The following MED13 variants were observed in gnomAD, a reference collection of about 807,000 sequenced individuals.
The protein encoded by MED13 is mediator of RNA polymerase II transcription subunit 13.
MED13 carries 23 observed loss-of-function variants against 225.2 expected under a neutral mutation model. That is an observed-to-expected ratio of 0.10 (90% CI 0.07 to 0.14). The LOEUF is 0.14. MED13 is among the 10% of genes least tolerant of loss of function. MED13 has a pLI of 1.00. For missense variants in MED13, 2,197 were observed against 2,594.5 expected (o/e 0.85, Z 3.33); for synonymous variants, 942 against 889.2 (o/e 1.06, Z -1.06).
At position 62,038,256 on chromosome 17, in the gene MED13, G is replaced by A. The variant is rs2080822853; in HGVS notation, c.471-2648C>T. Among the ~76,000 whole-genome samples the A allele has an allele frequency of 2.0e-5, 3 of 151,958 alleles. No homozygotes were observed. In the South Asian group the frequency reaches 6.2e-4, roughly 32 times the overall value. ...AAAAAAATTAAAAATTAGCTAGGTG[G>A]GGTGTGGTGCATGCCTGTGGTCCCA... On this transcript the variant is annotated intron_variant, in intron 3 of 29. Transcript: ENST00000397786.
At position 62,063,033 on chromosome 17, in the gene MED13, A is replaced by G. The variant is rs762350472; in HGVS notation, c.301+34T>C. On this transcript the variant is annotated intron_variant, in intron 2 of 29. Transcript: ENST00000397786. ...TCTGGGAGAAGTATACAATGTTGCT[A>G]TATCATTAGTTAGAAATGGAAAGTT... 4.0e-6 allele frequency: 6 copies of G among 1,484,204 alleles called. No homozygotes were observed. The South Asian group carries it at 4.5e-5, about 11-fold the overall frequency. 91.9% of individuals were successfully genotyped at this position (1,484,204 alleles called of 1,614,324 possible).
At chr17:61,952,716 A>C (rs559084471) in intron 27 of MED13, among the ~76,000 whole-genome samples, 3 of 152,334 alleles carry the variant, frequency 2.0e-5, no homozygotes, top group East Asian at 3.9e-4. Context: ...GGCTCACTAC[A>C]ACCTCTGCCT....
intron 16 of MED13, among the ~76,000 whole-genome samples, chr17:61,974,690 T>G (rs2080138631): frequency 6.6e-6 from 1 of 152,054 alleles, no homozygotes; most frequent in African/African-American, 2.4e-5. Context: ...AAGATAACAT[T>G]TTTCCATAGA....
At chr17:62,057,806 A>C (rs1271693176) in intron 2 of MED13, among the ~76,000 whole-genome samples, 1 of 152,250 alleles carries the variant, frequency 6.6e-6, no homozygotes, top group East Asian at 1.9e-4. Context: ...GAAAAAGAAC[A>C]AATATTTTTA....
At chr17:62,014,018 G>A (rs774162094) in intron 8 of MED13, among the ~76,000 whole-genome samples, 1 of 151,878 alleles carries the variant, frequency 6.6e-6, no homozygotes, top group Non-Finnish European at 1.5e-5. Context: ...CAGCCTGGGC[G>A]ACATAGCGAG....
At chr17:62,019,812 C>T (rs942286437) in intron 8 of MED13, among the ~76,000 whole-genome samples, 13 of 151,198 alleles carry the variant, frequency 8.6e-5, no homozygotes, top group Admixed American at 7.3e-4. Flanking sequence ...GGCACAATCT[C>T]GGCTTACTGC....
In MED13 at chr17:62,010,774, ACTGTCTATC is replaced by A. The variant is rs774412728; in HGVS notation, c.1734_1742del (p.Arg578_Asp580del). On this transcript the variant is annotated inframe_deletion, in exon 9 of 30. Coordinates refer to ENST00000397786, the MANE Select transcript of MED13 (RefSeq NM_005121.3). ...ATTGAGGTGGGAAAGACTGGGACAA[ACTGTCTATC>A]CTATCTTCCATTGGTTTAGAAGGAA... The A allele has an allele frequency of 4.3e-6, 7 of 1,614,148 alleles. No homozygotes were observed. In the South Asian group the frequency reaches 7.7e-5, roughly 18 times the overall value.
intron 3 of MED13, among the ~76,000 whole-genome samples, chr17:62,041,162 A>C (rs2080849148): frequency 6.6e-6 from 1 of 152,240 alleles, no homozygotes; most frequent in Non-Finnish European, 1.5e-5. Flanking sequence ...TACATAAACA[A>C]AATGTAGTAT....
rs1185563638 is a variant in MED13 at position 61,956,504 on chromosome 17, G to A, written c.5481-23C>T. On this transcript the variant is annotated intron_variant, in intron 23 of 29. Transcript: ENST00000397786. Reference sequence around the variant, plus strand: ...GCCCTATTGTGTGAATAAAGAGAGTGTCATAAATATTTCTAAAATTTATAT... The same window carrying A: ...GCCCTATTGTGTGAATAAAGAGAGTATCATAAATATTTCTAAAATTTATAT... 3.8e-6 allele frequency: 6 copies of A among 1,576,248 alleles called. No individual in the cohort carries two copies. In the African/African-American group the frequency reaches 5.5e-5, roughly 15 times the overall value.
chr17:61,995,097 T>C, intron 10 of MED13, 55 bp downstream of exon 10: 1 of 1,122,704 alleles, frequency 8.9e-7, no homozygotes, highest in Non-Finnish European at 1.3e-6. Flanking sequence ...AGTGTTACTA[T>C]ATGCAGTGCT....
At chr17:61,964,362 A>G (rs1361765923) in intron 20 of MED13, among the ~76,000 whole-genome samples, 1 of 151,756 alleles carries the variant, frequency 6.6e-6, no homozygotes, top group African/African-American at 2.4e-5. Flanking sequence ...TGCTGAGTCC[A>G]AGAGTTCCAG....
intron 4 of MED13, 94 bp from the exon 5 acceptor site, chr17:62,034,078 T>C: frequency 4.6e-6 from 5 of 1,095,202 alleles, no homozygotes; most frequent in East Asian, 2.5e-5. Flanking sequence ...CGTGCAATTA[T>C]AAAAAAGAAA....
chr17:61,978,286 T>C (rs935325471), intron 16 of MED13, among the ~76,000 whole-genome samples: 1 of 152,108 alleles, frequency 6.6e-6, no homozygotes, highest in Admixed American at 6.6e-5. Context: ...GTTTCACTCT[T>C]GTCGCCTGGG....
chr17:61,962,682 A>C, intron 21 of MED13, 70 bp downstream of exon 21: 3 of 1,320,862 alleles, frequency 2.3e-6, no homozygotes, highest in Non-Finnish European at 3.2e-6. Context: ...ACAGAAAAGT[A>C]GTATCTGAAA....
At chr17:61,957,299 T>A (rs2079954850) in intron 23 of MED13, among the ~76,000 whole-genome samples, 1 of 151,544 alleles carries the variant, frequency 6.6e-6, no homozygotes, top group African/African-American at 2.4e-5. Flanking sequence ...TGTCTCAGCA[T>A]CCCAAAGTGT....
chr17:61,965,616 C>T (rs771822323), intron 19 of MED13, 148 bp from the exon 20 acceptor site: 2 of 741,044 alleles, frequency 2.7e-6, no homozygotes, highest in South Asian at 4.2e-5. Flanking sequence ...GTGACCTACA[C>T]TTGCTTTCTA....
chr17:61,963,227 A>AAAAG (rs2080021353), intron 20 of MED13, among the ~76,000 whole-genome samples: 1 of 141,108 alleles, frequency 7.1e-6, no homozygotes, highest in African/African-American at 2.8e-5. Context: ...AAAAAAAAAA[A>AAAAG]AAAGAAAGAA....
chr17:62,011,216 G>T lies in MED13; in HGVS notation c.1301C>A (p.Ser434Ter). Residue 434 changes from serine (S) to a stop codon, truncating the protein, a stop_gained, in exon 9 of 30, where the codon TCA becomes TAA. Transcript: ENST00000397786. LOFTEE classifies it high-confidence loss of function. ...CTGTCCTTGTTGTCCAGCATTTCTTGACTTGAGATTTTTGTGCCTGAAAAG... is the reference window on the plus strand; with the variant it reads ...CTGTCCTTGTTGTCCAGCATTTCTTTACTTGAGATTTTTGTGCCTGAAAAG... ...CSCLRHKNLK[S>*]RNAGQQGQAP... The T allele has an allele frequency of 1.9e-6, 3 of 1,605,014 alleles. No homozygotes were observed. In the South Asian group the frequency reaches 3.4e-5, roughly 18 times the overall value.
At chr17:62,047,667 T>C (rs544647910) in intron 3 of MED13, among the ~76,000 whole-genome samples, 50 of 151,978 alleles carry the variant, frequency 3.3e-4, no homozygotes, top group Non-Finnish European at 6.6e-4. Context: ...CACTTATGTA[T>C]CTATTAACAA....
Sources: gnomAD v4.1 joint callset for allele counts (sites outside exome capture counted in the v4.1 genomes callset) on GRCh38, gnomAD v4.1.1 for gene constraint, MANE v1.5 for transcripts, NCBI Gene and HGNC (gene_info 2026-07-23, HGNC 2026-07-21) for gene names.